The following FAM135B variants were observed in gnomAD, a reference collection of about 807,000 sequenced individuals.
FAM135B encodes the protein family with sequence similarity 135 member B.
In FAM135B, 43 loss-of-function variants were observed where a neutral mutation model predicts 127.7. That is an observed-to-expected ratio of 0.34 (90% CI 0.26 to 0.43). FAM135B has a LOEUF of 0.43. Ranked by LOEUF, FAM135B falls within the 20% of genes least tolerant of loss-of-function variation. FAM135B has a pLI of 1.00. For missense variants in FAM135B, 1,558 were observed against 1,725.6 expected (o/e 0.90, Z 1.72); for synonymous variants, 670 against 665.1 (o/e 1.01, Z -0.11).
At chr8:138,161,452 T>C (rs908731666) in intron 12 of FAM135B, among the ~76,000 whole-genome samples, 2 of 152,206 alleles carry the variant, frequency 1.3e-5, no homozygotes, top group Non-Finnish European at 2.9e-5. Context: ...ATGGCTGTCA[T>C]GAAATAGTCG....
intron 12 of FAM135B, among the ~76,000 whole-genome samples, chr8:138,157,850 T>C (rs1222674275): frequency 6.6e-6 from 1 of 152,146 alleles, no homozygotes; most frequent in Non-Finnish European, 1.5e-5. Flanking sequence ...GAAGAATCAA[T>C]ATTGTGAAAA....
In FAM135B at chr8:138,365,069, A is replaced by T. The variant is rs1212857911; in HGVS notation, c.77+2838T>A. 2.0e-5 allele frequency among the ~76,000 whole-genome samples: 3 copies of T among 151,578 alleles called. No individual in the cohort carries two copies. In the East Asian group the frequency reaches 5.8e-4, roughly 29 times the overall value. On this transcript the variant is annotated intron_variant, in intron 2 of 19. Coordinates refer to ENST00000395297, the MANE Select transcript of FAM135B (RefSeq NM_015912.4). ...ACCATGTTGGCCAGGCTCGTCTCAA[A>T]CTCCCAAACTCAAGTGATCCACCTG...
intron 4 of FAM135B, among the ~76,000 whole-genome samples, chr8:138,257,281 C>T (rs1217257959): frequency 1.3e-5 from 2 of 152,124 alleles, no homozygotes; most frequent in African/African-American, 4.8e-5. Context: ...CTTCTTCAGG[C>T]GTCCCAGCTT....
chr8:138,443,003 C>A (rs533170045), intron 1 of FAM135B, among the ~76,000 whole-genome samples: 1 of 152,164 alleles, frequency 6.6e-6, no homozygotes, highest in South Asian at 2.1e-4. Context: ...GGATTACAAC[C>A]CCAGTGAGGC....
chr8:138,295,637 G>A (rs576052546), intron 3 of FAM135B, among the ~76,000 whole-genome samples: 1 of 152,272 alleles, frequency 6.6e-6, no homozygotes, highest in African/African-American at 2.4e-5. Context: ...GCGTGAGGAG[G>A]CAAAGCAGAG....
intron 1 of FAM135B, among the ~76,000 whole-genome samples, chr8:138,471,304 T>C (rs1837664308): frequency 1.3e-5 from 2 of 152,116 alleles, no homozygotes; most frequent in Admixed American, 1.3e-4. Flanking sequence ...CTCATCTCCA[T>C]TCTGAGAATA....
At chr8:138,266,607 GTA>G (rs34338351) in intron 3 of FAM135B, among the ~76,000 whole-genome samples, 38,204 of 147,556 alleles carry the variant, frequency 0.26, 5,954 homozygotes, top group Non-Finnish European at 0.34. Flanking sequence ...ATATGTATAT[GTA>G]TATATATGTA....
At chr8:138,234,919 G>T (rs1820155640) in intron 7 of FAM135B, among the ~76,000 whole-genome samples, 1 of 152,168 alleles carries the variant, frequency 6.6e-6, no homozygotes, top group South Asian at 2.1e-4. Flanking sequence ...TATGACTTTT[G>T]TGGGCCCCAG....
chr8:138,402,610 C>G (rs140710571), intron 1 of FAM135B, among the ~76,000 whole-genome samples: 1 of 152,098 alleles, frequency 6.6e-6, no homozygotes, highest in Non-Finnish European at 1.5e-5. Context: ...ATGATAAAAC[C>G]AAGATACAAA....
At chr8:138,460,505 C>G (rs906379777) in intron 1 of FAM135B, among the ~76,000 whole-genome samples, 1 of 152,180 alleles carries the variant, frequency 6.6e-6, no homozygotes, top group Non-Finnish European at 1.5e-5. Context: ...CCAAACATGG[C>G]AGGGACTGTC....
chr8:138,140,230 A>T (rs888611004), intron 17 of FAM135B, among the ~76,000 whole-genome samples: 1 of 152,188 alleles, frequency 6.6e-6, no homozygotes, highest in Non-Finnish European at 1.5e-5. Context: ...TTAAAAGCAA[A>T]CTAACTAAAC....
At chr8:138,412,933 C>G (rs1236832334) in intron 1 of FAM135B, among the ~76,000 whole-genome samples, 1 of 152,108 alleles carries the variant, frequency 6.6e-6, no homozygotes, top group Non-Finnish European at 1.5e-5. Context: ...TGTGCAGAAG[C>G]CTTTGTTGGG....
intron 2 of FAM135B, among the ~76,000 whole-genome samples, chr8:138,332,532 A>G (rs1828260663): frequency 1.3e-5 from 2 of 152,238 alleles, no homozygotes; most frequent in Middle Eastern, 6.8e-3. Context: ...ATTTGGACCT[A>G]GACCTGGTTG....
At chr8:138,299,608 C>T (rs1333629769) in intron 3 of FAM135B, among the ~76,000 whole-genome samples, 3 of 141,692 alleles carry the variant, frequency 2.1e-5, no homozygotes, top group Admixed American at 7.6e-5. Context: ...CACACACACA[C>T]CCACGATCCA....
intron 19 of FAM135B, among the ~76,000 whole-genome samples, chr8:138,136,738 C>G (rs1003618652): frequency 2.6e-5 from 4 of 152,182 alleles, no homozygotes; most frequent in Admixed American, 2.0e-4. Context: ...GTCCTATGTC[C>G]TGTTCCACTT....
At chr8:138,287,788 A>G (rs1824811118) in intron 3 of FAM135B, among the ~76,000 whole-genome samples, 1 of 152,218 alleles carries the variant, frequency 6.6e-6, no homozygotes, top group Non-Finnish European at 1.5e-5. Flanking sequence ...GCTGCAAGAC[A>G]CCACTGTTCC....
intron 18 of FAM135B, among the ~76,000 whole-genome samples, chr8:138,138,013 T>TGG (rs1816808307): frequency 6.6e-6 from 1 of 152,130 alleles, no homozygotes; most frequent in Non-Finnish European, 1.5e-5. Context: ...CATCACACAT[T>TGG]GGGGGCAGCC....
intron 1 of FAM135B, among the ~76,000 whole-genome samples, chr8:138,375,148 A>G (rs1015969830): frequency 1.3e-5 from 2 of 152,152 alleles, no homozygotes; most frequent in African/African-American, 4.8e-5. Flanking sequence ...AAAAAACTGC[A>G]CATGTAGCTG....
rs1379179714 is a variant in FAM135B at position 138,166,269 on chromosome 8, CTTG to C, written c.1258+1623_1258+1625del. Reference sequence around the variant, plus strand: ...CTCGAAGGGACACAGGACAATTTAGCTTGTTGGGTTTCCAGGAGCAGGGCCGTG... The same window carrying C: ...CTCGAAGGGACACAGGACAATTTAGCTTGGGTTTCCAGGAGCAGGGCCGTG... On this transcript the variant is annotated intron_variant, in intron 12 of 19. Transcript: ENST00000395297. Among the ~76,000 whole-genome samples the C allele has an allele frequency of 2.6e-5, 4 of 152,326 alleles. No homozygotes were observed. The East Asian group carries it at 7.7e-4, about 29-fold the overall frequency.
Sources: gnomAD v4.1 joint callset for allele counts (sites outside exome capture counted in the v4.1 genomes callset) on GRCh38, gnomAD v4.1.1 for gene constraint, MANE v1.5 for transcripts, NCBI Gene and HGNC (gene_info 2026-07-23, HGNC 2026-07-21) for gene names.